The following PCDHA3 variants were observed in gnomAD, a reference collection of about 807,000 sequenced individuals.
PCDHA3 encodes protocadherin alpha 3, also known as protocadherin alpha-3.
A neutral mutation model predicts 62.2 loss-of-function variants in PCDHA3; 41 were observed. The ratio of observed to expected loss-of-function variants is 0.66; its 90% CI spans 0.51 to 0.86. The LOEUF (loss-of-function observed/expected upper bound fraction) is 0.86, where lower values mean the gene tolerates loss of function less well. Among genes scored for constraint, PCDHA3 ranks in the 40% least tolerant of loss-of-function variants. PCDHA3 has a pLI of 0.00. For synonymous variants in PCDHA3, 640 were observed against 555.4 expected, an observed-to-expected ratio of 1.15 and a Z score of -2.14; for missense variants, 1,304 against 1,241.2, an observed-to-expected ratio of 1.05 and a Z score of -0.76.
intron 1 of PCDHA3, among the ~76,000 whole-genome samples, chr5:140,913,163 T>C (rs1248646454): frequency 1.3e-5 from 2 of 152,198 alleles, no homozygotes; most frequent in African/African-American, 4.8e-5. Context: ...AGGATTGGTA[T>C]TAGTTCTTCT....
chr5:140,854,089 G>A, intron 1 of PCDHA3: 1 of 266,188 alleles, frequency 3.8e-6, no homozygotes, highest in Non-Finnish European at 5.6e-6. Flanking sequence ...TTGAGCCTGG[G>A]ACATTGAGGC....
intron 1 of PCDHA3, chr5:140,969,317 G>A (rs1554231675): frequency 6.2e-7 from 1 of 1,614,156 alleles, no homozygotes; most frequent in East Asian, 2.2e-5. Context: ...AAATGAGGCT[G>A]TTTCTCAAAA....
In PCDHA3 at chr5:140,849,868, C is replaced by T. The variant is rs1554143431; in HGVS notation, c.2394+46277C>T. 16 of 1,598,490 alleles carry T rather than the reference C, an allele frequency of 1.0e-5. 1 individual carries two copies. In the Middle Eastern group the frequency reaches 6.8e-4, roughly 68 times the overall value. On this transcript the variant is annotated intron_variant, in intron 1 of 3. Transcript: ENST00000522353. ...GACAACGCACCAGCGTTCGCGCAGT[C>T]CGAGTACACGGTGTTCGTGAAGGAG...
At chr5:140,851,185 A>G in intron 1 of PCDHA3, 4 of 1,237,652 alleles carry the variant, frequency 3.2e-6, no homozygotes, top group Non-Finnish European at 4.1e-6. Flanking sequence ...TTGAAAACCA[A>G]TTTAGTTGTT....
rs782098088 is a variant in PCDHA3, at chr5:140,856,583, CT to C, written c.2394+52994del. On this transcript the variant is annotated intron_variant, in intron 1 of 3. Transcript: ENST00000522353. Reference sequence around the variant, plus strand: ...ACTCAGTCCAAATGAGTATTTTGTTCTTGATATTATAAACAAAAAAGACAAA... The same window carrying C: ...ACTCAGTCCAAATGAGTATTTTGTTCTGATATTATAAACAAAAAAGACAAA... The C allele has an allele frequency of 1.3e-6, 2 of 1,597,002 alleles. 1 individual carries two copies. Among genetic ancestry groups the C allele is most frequent in the African/African-American group, 2.7e-5 (2 of 74,388 alleles).
intron 1 of PCDHA3, chr5:140,858,229 G>A (rs1335853818): frequency 6.3e-7 from 1 of 1,596,360 alleles, no homozygotes. Context: ...CGCCCACCGA[G>A]GGCGCATGTG....
At chr5:140,968,467 A>G (rs2153771249) in intron 1 of PCDHA3, 1 of 1,614,124 alleles carries the variant, frequency 6.2e-7, no homozygotes, top group Non-Finnish European at 8.5e-7. Flanking sequence ...CTGCCAACGT[A>G]TATGTGGTGG....
Position 140,801,639 on chromosome 5 carries a change from C to A in PCDHA3, c.442C>A (p.Pro148Thr). The A allele has an allele frequency of 6.2e-7, 1 of 1,614,212 alleles. No individual in the cohort carries two copies. Among genetic ancestry groups the A allele is most frequent in the Non-Finnish European group, 8.5e-7 (1 of 1,180,046 alleles). The stretch of plus-strand genomic sequence containing the variant: ...TCTGTTTATTTCCGAATCCCGACAG[C>A]CTGGCTCTCGGTTTTCGCTAGAGGG... ...KNLFISESRQ[P>T]GSRFSLEGAS... is the part of the protein sequence containing the mutation. The change falls in exon 1 of 4, where the codon CCT becomes ACT. Residue 148 changes from proline to threonine, a missense_variant. Coordinates refer to ENST00000522353, the MANE Select transcript of PCDHA3 (RefSeq NM_018906.3).
At chr5:140,871,552 AGT>A in intron 1 of PCDHA3, 1 of 1,493,376 alleles carries the variant, frequency 6.7e-7, no homozygotes, top group Non-Finnish European at 8.9e-7. Context: ...TTTAAAATCC[AGT>A]TTTTTTTCAC....
chr5:140,985,394 A>C (rs2097150028), intron 3 of PCDHA3, among the ~76,000 whole-genome samples: 1 of 152,084 alleles, frequency 6.6e-6, no homozygotes, highest in South Asian at 2.1e-4. Context: ...AGTCACCCCA[A>C]CTGTTCCCCT....
intron 1 of PCDHA3, chr5:140,861,215 A>G (rs77020201): frequency 0.081 from 13,442 of 165,830 alleles, 594 homozygotes; most frequent in Middle Eastern, 0.11. Flanking sequence ...TAACCAAAAG[A>G]GAGGCATAAT....
At position 140,963,044 on chromosome 5, in the gene PCDHA3, T is replaced by C. The variant is rs144557802; in HGVS notation, c.2395-15905T>C. On this transcript the variant is annotated intron_variant, in intron 1 of 3. Transcript: ENST00000522353. The stretch of plus-strand genomic sequence containing the variant: ...AAGCAATTAACATTTATTGAGAGTC[T>C]ATAAGGGTTTCTACATTGTGAAGGA... Among the ~76,000 whole-genome samples the C allele has an allele frequency of 9.3e-4, 141 of 152,294 alleles. 1 individual carries two copies. Among genetic ancestry groups the C allele is most frequent in the African/African-American group, 2.9e-3 (121 of 41,576 alleles).
chr5:140,982,696 A>G lies in PCDHA3; in HGVS notation c.2542+133A>G. ...GTTATTCCCTTTTTTCCATACATAC[A>G]TGATTTCCTTACATATATGATTATT... On this transcript the variant is annotated intron_variant, in intron 3 of 3. Transcript: ENST00000522353. 2.9e-6 allele frequency: 4 copies of G among 1,397,036 alleles called. No individual in the cohort carries two copies. The East Asian group carries it at 7.6e-5, about 27-fold the overall frequency. 86.5% of individuals were successfully genotyped at this position (1,397,036 alleles called of 1,614,324 possible). A position where few individuals can be genotyped will look rare whatever the true frequency, so the allele number is the denominator to read the frequency against.
Position 140,843,872 on chromosome 5 carries a change from G to A in PCDHA3, c.2394+40281G>A, listed in dbSNP as rs2150367258. ...TTTTATAATTAATTGAATTTTCTCA[G>A]TGGCATAATACAGTATTAATCATTC... On this transcript the variant is annotated intron_variant, in intron 1 of 3. Transcript: ENST00000522353. The A allele has an allele frequency of 1.5e-4, 121 of 801,174 alleles. 7 individuals carry two copies. The highest frequency in any genetic ancestry group is 2.3e-4 in the Non-Finnish European group (116 of 509,628). The allele number at this position is 801,174 out of a possible 1,614,324, so 49.6% of individuals were successfully genotyped here.
intron 1 of PCDHA3, chr5:140,824,610 G>GTTTTTTTCTT (rs1768198907): frequency 1.1e-5 from 1 of 95,104 alleles, no homozygotes; most frequent in African/African-American, 4.9e-5. Context: ...GCTAATTAAA[G>GTTTTTTTCTT]TTTTTTTTTT....
At chr5:140,876,283 G>A in intron 1 of PCDHA3, 1 of 1,614,056 alleles carries the variant, frequency 6.2e-7, no homozygotes. Flanking sequence ...CGATCCAGAC[G>A]AAGGACTTAA....
rs781866730 is a variant in PCDHA3 at position 141,009,887 on chromosome 5, CAG to C, written c.2804_2805del (p.Gln935ArgfsTer11). ...GAAAAAGAAGAAGGGTAACAAGACCCAGGAGAAAAAAGAGAAAGGGAACAGCA... is the reference window on the plus strand; with the variant it reads ...GAAAAAGAAGAAGGGTAACAAGACCCGAGAAAAAAGAGAAAGGGAACAGCA... ...KKKKKKGNKTQEKKEKGNSTT... is the reference protein window; with the variant it reads ...KKKKKKGNKTXEKKEKGNSTT... On this transcript the variant is annotated frameshift_variant, in exon 4 of 4. Transcript: ENST00000522353. LOFTEE classifies it high-confidence loss of function. 1.9e-6 allele frequency: 3 copies of C among 1,612,850 alleles called. No homozygotes were observed. In the South Asian group the frequency reaches 3.3e-5, roughly 18 times the overall value.
intron 1 of PCDHA3, among the ~76,000 whole-genome samples, chr5:140,838,933 A>G (rs1168986941): frequency 6.6e-6 from 1 of 151,908 alleles, no homozygotes; most frequent in African/African-American, 2.4e-5. Context: ...AATAAAATGA[A>G]ATAATAAAAT....
chr5:140,835,758 G>C, intron 1 of PCDHA3: 1 of 1,613,438 alleles, frequency 6.2e-7, no homozygotes, highest in East Asian at 2.2e-5. Flanking sequence ...CGCGCAGCCC[G>C]AGTATACGGT....
Sources: allele counts gnomAD v4.1 joint callset (sites outside exome capture counted in the v4.1 genomes callset), GRCh38; gene constraint gnomAD v4.1.1; transcripts MANE v1.5; gene names NCBI Gene and HGNC (gene_info 2026-07-23, HGNC 2026-07-21).